Variants in EPPK1 observed in about 807,000 individuals in gnomAD.
The protein encoded by EPPK1 is epiplakin 1, also known as epiplakin.
For synonymous variants in EPPK1, 1,862 were observed against 1,721.2 expected (o/e 1.08, Z -2.03); for missense variants, 3,823 against 3,673.3 (o/e 1.04, Z -1.05).
In EPPK1 at chr8:143,859,278, A is replaced by G. The variant is rs1162358886; in HGVS notation, c.13976T>C (p.Met4659Thr). The change falls in exon 2 of 2, where the codon ATG becomes ACG. Residue 4659 changes from methionine (M) to threonine (T), a missense_variant. Coordinates refer to ENST00000615648, the MANE Select transcript of EPPK1 (RefSeq NM_031308.4). ...CCGGAGGCGGCCCACCTTGACCTCCATGGTGGCCGCACGCAGGGCCTCCCG... is the reference window on the plus strand; with the variant it reads ...CCGGAGGCGGCCCACCTTGACCTCCGTGGTGGCCGCACGCAGGGCCTCCCG... ...DPREALRAAT[M>T]EVKVGRLRGR... is the part of the protein sequence containing the mutation. 1 of 381,204 alleles carries G rather than the reference A, an allele frequency of 2.6e-6. No individual in the cohort carries two copies. Among genetic ancestry groups the G allele is most frequent in the African/African-American group, 2.1e-5 (1 of 46,724 alleles). The allele number at this position is 381,204 out of a possible 1,614,324, so 23.6% of individuals were successfully genotyped here. A position where few individuals can be genotyped will look rare whatever the true frequency, so the allele number is the denominator to read the frequency against.
In EPPK1 at chr8:143,868,207, C is replaced by T. The variant is rs1819206329; in HGVS notation, c.5047G>A (p.Ala1683Thr). 1 of 1,613,150 alleles carries T rather than the reference C, an allele frequency of 6.2e-7. No individual in the cohort carries two copies. Among genetic ancestry groups the T allele is most frequent in the South Asian group, 1.1e-5 (1 of 91,078 alleles). ...VREHGIRLLE[A>T]QIATGGIIDP... is the part of the protein sequence containing the mutation. Reference sequence around the variant, plus strand: ...ATGATGCCGCCCGTGGCGATCTGGGCCTCCAGCAGGCGGATGCCGTGCTCC... The same window carrying T: ...ATGATGCCGCCCGTGGCGATCTGGGTCTCCAGCAGGCGGATGCCGTGCTCC... Residue 1683 changes from alanine to threonine, a missense_variant, in exon 2 of 2, where the codon GCC becomes ACC. Coordinates refer to ENST00000615648, the MANE Select transcript of EPPK1 (RefSeq NM_031308.4).
At chr8:143,877,812 G>T (rs146891634) in intron 1 of EPPK1, among the ~76,000 whole-genome samples, 1 of 151,946 alleles carries the variant, frequency 6.6e-6, no homozygotes, top group Admixed American at 6.5e-5. Flanking sequence ...TGCAGCGGGG[G>T]CCCAGGGCAG....
chr8:143,869,466 G>C lies in EPPK1; in HGVS notation c.3788C>G (p.Ala1263Gly), dbSNP rs561682200. Reference protein sequence around the residue: ...LQPSGAKASIAQAVRDGLLPT... With the variant: ...LQPSGAKASIGQAVRDGLLPT... ...CAGGAGGCCATCCCTCACGGCCTGG[G>C]CGATGCTGGCCTTGGCCCCAGAGGG... Residue 1263 changes from alanine to glycine, a missense_variant, in exon 2 of 2, where the codon GCC (alanine) becomes GGC (glycine). Physicochemically the swap from Ala to Gly is moderately conservative, Grantham distance 60. Coordinates refer to ENST00000615648, the MANE Select transcript of EPPK1 (RefSeq NM_031308.4). The C allele has an allele frequency of 1.9e-6, 3 of 1,556,352 alleles. No individual in the cohort carries two copies. The African/African-American group carries it at 4.1e-5, about 21-fold the overall frequency.
chr8:143,873,772 C>T (rs969984347), intron 1 of EPPK1, among the ~76,000 whole-genome samples: 1 of 114,536 alleles, frequency 8.7e-6, no homozygotes, highest in Non-Finnish European at 2.1e-5. Context: ...TCCAAAGGCT[C>T]TGCCCCATGC....
Position 143,868,625 on chromosome 8 carries a change from C to G in EPPK1, c.4629G>C (p.Thr1543=), listed in dbSNP as rs370669571. The G allele has an allele frequency of 2.5e-6, 4 of 1,596,760 alleles. No individual in the cohort carries two copies. The highest frequency in any genetic ancestry group is 3.4e-6 in the Non-Finnish European group (4 of 1,172,478). The change falls in exon 2 of 2, where the codon ACG becomes ACC. Residue 1543 remains threonine (T), a synonymous_variant. Coordinates refer to ENST00000615648, the MANE Select transcript of EPPK1 (RefSeq NM_031308.4). ...TTGTCCCCTGGCTCAGCTCGTCCAG[C>G]GTCTTCCTGCTGATCAGCTGCGCCC... is the stretch of plus-strand genomic sequence containing the variant. ...LFRAQLISRK[T]LDELSQGTTT...
At chr8:143,878,548 CGCGGGGCGGG>C (rs367956335), upstream of EPPK1, 1 of 148,962 alleles carries the variant, frequency 6.7e-6, no homozygotes, top group East Asian at 2.0e-4. Context: ...GGGGCCCCGA[CGCGGGGCGGG>C]GCGGGGCGGG....
chr8:143,877,917 C>T (rs1013834284), intron 1 of EPPK1, among the ~76,000 whole-genome samples: 3 of 152,072 alleles, frequency 2.0e-5, no homozygotes, highest in Non-Finnish European at 2.9e-5. Context: ...TTACCTGACC[C>T]GGAGTGGCCA....
chr8:143,865,939 G>A lies in EPPK1; in HGVS notation c.7315C>T (p.Arg2439Cys). The A allele has an allele frequency of 4.7e-5, 2 of 42,232 alleles. No individual in the cohort carries two copies. Among genetic ancestry groups the A allele is most frequent in the South Asian group, 6.0e-4 (2 of 3,358 alleles). The allele number at this position is 42,232 out of a possible 1,614,324, so 2.6% of individuals were successfully genotyped here. ...EELRCALRDA[R>C]VTPGSGALQG... ...AGGGCGCCCGAGCCTGGCGTCACGC[G>A]GGCGTCGCGCAGGGCACAGCGCAGC... The change falls in exon 2 of 2, where the codon CGC becomes TGC. Residue 2439 changes from arginine to cysteine, a missense_variant. Arg to Cys is a radical substitution (Grantham distance 180, BLOSUM62 -3). Coordinates refer to ENST00000615648, the MANE Select transcript of EPPK1 (RefSeq NM_031308.4).
chr8:143,866,749 T>G lies in EPPK1; in HGVS notation c.6505A>C (p.Asn2169His), dbSNP rs1819125827. The change falls in exon 2 of 2, where the codon AAC becomes CAC. Residue 2169 changes from asparagine (N) to histidine (H), a missense_variant. Asn to His is a moderately conservative substitution (Grantham distance 68). Coordinates refer to ENST00000615648, the MANE Select transcript of EPPK1 (RefSeq NM_031308.4). ...LELIEKQETS[N>H]KHLWFQGIRR... Reference sequence around the variant, plus strand: ...ATTCCTTGGAACCACAGGTGTTTGTTGCTGGTTTCCTGCTTCTCGATCAAC... The same window carrying G: ...ATTCCTTGGAACCACAGGTGTTTGTGGCTGGTTTCCTGCTTCTCGATCAAC... 6.2e-7 allele frequency: 1 copy of G among 1,613,524 alleles called. No individual in the cohort carries two copies. The highest frequency in any genetic ancestry group is 8.5e-7 in the Non-Finnish European group (1 of 1,179,884).
In EPPK1 at chr8:143,871,301, G is replaced by C; in HGVS notation, c.1953C>G (p.Gly651=). 6.2e-7 allele frequency: 1 copy of C among 1,612,506 alleles called. No homozygotes were observed. The highest frequency in any genetic ancestry group is 2.2e-5 in the East Asian group (1 of 44,874). The change falls in exon 2 of 2, where the codon GGC becomes GGG. Residue 651 remains glycine (G), a synonymous_variant. Transcript: ENST00000615648. ...LILLEAQAAT[G]FIIDPKANKG... ...TGTTTGCTTTTGGGTCGATGATGAA[G>C]CCTGTGGCAGCTTGTGCCTCCAGAA...
chr8:143,872,304 G>A lies in EPPK1; in HGVS notation c.950C>T (p.Pro317Leu), dbSNP rs1043141697. 2 of 1,602,434 alleles carry A rather than the reference G, an allele frequency of 1.2e-6. No homozygotes were observed. The highest frequency in any genetic ancestry group is 2.7e-5 in the African/African-American group (2 of 74,842). ...GGTGGCAGCCTGGGCCTCTAGGAGT[G>A]GCAGCGCGGTGCCCATTGGGAGCAG... ...EHLLPMGTAL[P>L]LLEAQAATHT... Residue 317 changes from proline to leucine, a missense_variant, in exon 2 of 2, where the codon CCA becomes CTA. Pro to Leu is a moderately conservative substitution (Grantham distance 98). Transcript: ENST00000615648.
chr8:143,876,092 T>C (rs894669776), intron 1 of EPPK1, among the ~76,000 whole-genome samples: 3 of 152,186 alleles, frequency 2.0e-5, no homozygotes, highest in Non-Finnish European at 4.4e-5. Flanking sequence ...AAGGCTATGC[T>C]GCTCCCAGGC....
In EPPK1 at chr8:143,867,093, A is replaced by C. The variant is rs782457896; in HGVS notation, c.6161T>G (p.Phe2054Cys). ...CTTCTCTTGCGTGTTCGGGTCCACA[A>C]ACCGTTTCCTCATGTGCTTCTGGTC... ...ISDQKHMRKR[F>C]VDPNTQEKVS... Residue 2054 changes from phenylalanine (F) to cysteine (C), a missense_variant, in exon 2 of 2, where the codon TTT becomes TGT. Coordinates refer to ENST00000615648, the MANE Select transcript of EPPK1 (RefSeq NM_031308.4). The C allele has an allele frequency of 3.1e-6, 5 of 1,612,806 alleles. No individual in the cohort carries two copies. The South Asian group carries it at 5.5e-5, about 18-fold the overall frequency.
rs1230678951 is a variant in EPPK1, at chr8:143,857,750, A to C, written c.*237T>G. On this transcript the variant is annotated 3_prime_UTR_variant, in exon 2 of 2. Transcript: ENST00000615648. ...AAAACGAAAAAGGAGAGAAAAGTAA[A>C]ACCATATGACACATAGACGACCCAG... 4.7e-6 allele frequency: 2 copies of C among 427,378 alleles called. No individual in the cohort carries two copies. Among genetic ancestry groups the C allele is most frequent in the African/African-American group, 2.0e-5 (1 of 48,782 alleles). 26.5% of individuals were successfully genotyped at this position (427,378 alleles called of 1,614,324 possible). A position where few individuals can be genotyped will look rare whatever the true frequency, so the allele number is the denominator to read the frequency against.
Position 143,870,282 on chromosome 8 carries a change from C to T in EPPK1, c.2972G>A (p.Gly991Asp). ...GCCATACAGCTCCGGCCCCACCACACCCCTGCGCACGGCCTCATCCACCGA... is the reference window on the plus strand; with the variant it reads ...GCCATACAGCTCCGGCCCCACCACATCCCTGCGCACGGCCTCATCCACCGA... ...SLSVDEAVRR[G>D]VVGPELYGRL... Residue 991 changes from glycine (G) to aspartate (D), a missense_variant, in exon 2 of 2, where the codon GGT (glycine) becomes GAT (aspartate). Physicochemically the swap from Gly to Asp is moderately conservative, Grantham distance 94. Coordinates refer to ENST00000615648, the MANE Select transcript of EPPK1 (RefSeq NM_031308.4). This position sits in a 1 kb window ranked among gnomAD's most constrained non-coding sequence, Gnocchi z 5.2. 1.9e-6 allele frequency: 3 copies of T among 1,588,376 alleles called. No individual in the cohort carries two copies. The highest frequency in any genetic ancestry group is 1.7e-6 in the Non-Finnish European group (2 of 1,172,504).
At chr8:143,877,432 G>A (rs1819503337) in intron 1 of EPPK1, among the ~76,000 whole-genome samples, 1 of 152,186 alleles carries the variant, frequency 6.6e-6, no homozygotes, top group Admixed American at 6.5e-5. Context: ...TGGGGAGGAG[G>A]CCGAGCAGAT....
rs1184939046 is a variant in EPPK1 at position 143,866,694 on chromosome 8, A to T, written c.6560T>A (p.Leu2187His). ...IRRQITASEL[L>H]SSAIITEEML... is the part of the protein sequence containing the mutation. ...TTCCTCCGTGATTATGGCTGAGCTG[A>T]GGAGTTCAGAAGCTGTGATCTGTCG... The change falls in exon 2 of 2, where the codon CTC (leucine) becomes CAC (histidine). Residue 2187 changes from leucine to histidine, a missense_variant. By Grantham distance (99) the Leu-to-His change is moderately conservative. Coordinates refer to ENST00000615648, the MANE Select transcript of EPPK1 (RefSeq NM_031308.4). 2.0e-5 allele frequency: 33 copies of T among 1,613,174 alleles called. No homozygotes were observed. Among genetic ancestry groups the T allele is most frequent in the Non-Finnish European group, 2.6e-5 (31 of 1,179,866 alleles).
chr8:143,868,816 C>A lies in EPPK1; in HGVS notation c.4438G>T (p.Ala1480Ser), dbSNP rs377277154. ...GCCACCAGCTCCCGCCGCTTGTCAG[C>A]GCCAACGTATTCGGAGAGCAGCAGG... ...WDLLLSEYVGADKRRELVALC... is the reference protein window; with the variant it reads ...WDLLLSEYVGSDKRRELVALC... The change falls in exon 2 of 2, where the codon GCT becomes TCT. Residue 1480 changes from alanine (A) to serine (S), a missense_variant. By Grantham distance (99) the Ala-to-Ser change is moderately conservative (BLOSUM62 1). Transcript: ENST00000615648. 5.4e-5 allele frequency: 87 copies of A among 1,605,006 alleles called. No individual in the cohort carries two copies. The South Asian group carries it at 9.4e-4, about 17-fold the overall frequency.
At position 143,870,282 on chromosome 8, in the gene EPPK1, C is replaced by A. The variant is rs781914481; in HGVS notation, c.2972G>T (p.Gly991Val). Residue 991 changes from glycine to valine, a missense_variant, in exon 2 of 2, where the codon GGT becomes GTT. Coordinates refer to ENST00000615648, the MANE Select transcript of EPPK1 (RefSeq NM_031308.4). This position sits in a 1 kb window ranked among gnomAD's most constrained non-coding sequence, Gnocchi z 5.2. ...GCCATACAGCTCCGGCCCCACCACA[C>A]CCCTGCGCACGGCCTCATCCACCGA... ...SLSVDEAVRR[G>V]VVGPELYGRL... is the part of the protein sequence containing the mutation. The A allele has an allele frequency of 4.4e-6, 7 of 1,588,378 alleles. No homozygotes were observed. Among genetic ancestry groups the A allele is most frequent in the Non-Finnish European group, 3.4e-6 (4 of 1,172,504 alleles).
Sources: gnomAD v4.1 joint callset for allele counts (sites outside exome capture counted in the v4.1 genomes callset) on GRCh38, gnomAD v4.1.1 for gene constraint, Gnocchi (gnomAD v3.1) non-coding constraint, MANE v1.5 for transcripts, NCBI Gene and HGNC (gene_info 2026-07-23, HGNC 2026-07-21) for gene names.